GHR: variants seen among roughly 807,000 people sequenced by gnomAD.
GHR encodes GH receptor.
Under a neutral mutation model 67.1 loss-of-function variants are expected in GHR, and 35 were observed. That is an observed-to-expected ratio of 0.52 (90% confidence interval 0.40 to 0.69). The LOEUF (loss-of-function observed/expected upper bound fraction) is 0.69, where lower values mean the gene tolerates loss of function less well. Among genes scored for constraint, GHR ranks in the 30% least tolerant of loss-of-function variants. The pLI, the probability that GHR is intolerant of heterozygous loss-of-function variation, is 0.00. For missense variants in GHR, 792 were observed against 764.6 expected, an observed-to-expected ratio of 1.04 and a Z score of -0.42; for synonymous variants, 272 against 269.1, an observed-to-expected ratio of 1.01 and a Z score of -0.10.
intron 1 of GHR, 30 bp from the exon 2 acceptor site, chr5:42,565,834 G>A (rs564361091): frequency 3.1e-6 from 5 of 1,613,800 alleles, no homozygotes; most frequent in African/African-American, 2.7e-5. Flanking sequence ...TTAATTGCTG[G>A]GCTTTACCTT....
At chr5:42,481,859 G>T (rs747242881) in intron 1 of GHR, among the ~76,000 whole-genome samples, 8 of 151,954 alleles carry the variant, frequency 5.3e-5, no homozygotes, top group Non-Finnish European at 1.0e-4. Flanking sequence ...TAGTTTGATC[G>T]TCTGAAGCCT....
At chr5:42,534,508 ATGTATATG>A (rs908984129) in intron 1 of GHR, among the ~76,000 whole-genome samples, 3 of 142,304 alleles carry the variant, frequency 2.1e-5, no homozygotes, top group South Asian at 2.1e-4. Flanking sequence ...ATATGTACAT[ATGTATATG>A]TGTATATATG....
intron 2 of GHR, among the ~76,000 whole-genome samples, chr5:42,626,343 C>G (rs1414349353): frequency 6.6e-6 from 1 of 152,214 alleles, no homozygotes; most frequent in Non-Finnish European, 1.5e-5. Flanking sequence ...CCACAACCTC[C>G]CCCTCCGGTT....
intron 8 of GHR, among the ~76,000 whole-genome samples, chr5:42,717,127 A>G (rs1040462458): frequency 1.2e-4 from 18 of 152,278 alleles, no homozygotes; most frequent in Admixed American, 7.9e-4. Context: ...GGCAATGACT[A>G]GAGCAAGACT....
intron 1 of GHR, among the ~76,000 whole-genome samples, chr5:42,563,249 C>T (rs1749717309): frequency 6.6e-6 from 1 of 152,196 alleles, no homozygotes; most frequent in Non-Finnish European, 1.5e-5. Context: ...ACTTCTTTAC[C>T]TGACACTAAG....
chr5:42,519,656 A>C (rs1238750884), intron 1 of GHR, among the ~76,000 whole-genome samples: 2 of 152,190 alleles, frequency 1.3e-5, no homozygotes, highest in African/African-American at 4.8e-5. Flanking sequence ...AAAAAATGTC[A>C]TGGTTATATG....
At chr5:42,654,167 A>G (rs1383443975) in intron 3 of GHR, among the ~76,000 whole-genome samples, 1 of 152,190 alleles carries the variant, frequency 6.6e-6, no homozygotes, top group East Asian at 1.9e-4. Flanking sequence ...GCACATTCAA[A>G]TTCCATCGTT....
intron 3 of GHR, among the ~76,000 whole-genome samples, chr5:42,657,520 T>C (rs1405359266): frequency 6.6e-6 from 1 of 152,168 alleles, no homozygotes; most frequent in Admixed American, 6.5e-5. Flanking sequence ...TTTTATTCCT[T>C]TTATTCTTGA....
chr5:42,669,428 G>A (rs1240116674), intron 3 of GHR, among the ~76,000 whole-genome samples: 2 of 152,162 alleles, frequency 1.3e-5, no homozygotes, highest in Non-Finnish European at 2.9e-5. Context: ...GGTTTCTTCT[G>A]GCAATAGAAG....
rs145280931 is a variant in GHR at position 42,718,101 on chromosome 5, A to T, written c.925A>T (p.Ile309Phe). The T allele has an allele frequency of 6.5e-6, 10 of 1,532,806 alleles. No homozygotes were observed. Among genetic ancestry groups the T allele is most frequent in the African/African-American group, 1.4e-5 (1 of 73,382 alleles). The allele number at this position is 1,532,806 out of a possible 1,614,324, so 95.0% of individuals were successfully genotyped here. A position where few individuals can be genotyped will look rare whatever the true frequency, so the allele number is the denominator to read the frequency against. ...AGTTCCAGTTCCAAAGATTAAAGGA[A>T]TCGATCCAGATCTCCTCAAGGTAAC... Reference protein sequence around the residue: ...PPVPVPKIKGIDPDLLKEGKL... With the variant: ...PPVPVPKIKGFDPDLLKEGKL... The change falls in exon 9 of 10, where the codon ATC becomes TTC. Residue 309 changes from isoleucine to phenylalanine, a missense_variant. Coordinates refer to ENST00000230882, the MANE Select transcript of GHR (RefSeq NM_000163.5).
intron 2 of GHR, among the ~76,000 whole-genome samples, chr5:42,604,845 C>T (rs1317375416): frequency 6.6e-6 from 1 of 151,862 alleles, no homozygotes; most frequent in Non-Finnish European, 1.5e-5. Flanking sequence ...ACTCAGTGAG[C>T]ATCTTTATGG....
At chr5:42,460,033 G>T (rs1009452178) in intron 1 of GHR, among the ~76,000 whole-genome samples, 1 of 152,182 alleles carries the variant, frequency 6.6e-6, no homozygotes, top group Admixed American at 6.5e-5. Context: ...GCTGGTAAAA[G>T]TTAAATGAAT....
intron 1 of GHR, among the ~76,000 whole-genome samples, chr5:42,451,702 CA>C (rs35883387): frequency 1.4e-3 from 166 of 122,954 alleles, no homozygotes; most frequent in South Asian, 5.8e-3. Context: ...AAGACTCTGT[CA>C]AAAAAAAAAA....
At chr5:42,488,230 G>C (rs1745964241) in intron 1 of GHR, among the ~76,000 whole-genome samples, 1 of 152,108 alleles carries the variant, frequency 6.6e-6, no homozygotes, top group African/African-American at 2.4e-5. Flanking sequence ...ACACTGTCTT[G>C]AGCTTATTTT....
chr5:42,518,881 GA>G (rs904219670), intron 1 of GHR, among the ~76,000 whole-genome samples: 1 of 150,908 alleles, frequency 6.6e-6, no homozygotes, highest in East Asian at 1.9e-4. Flanking sequence ...ACTTGAAATA[GA>G]AAAAAAAAGT....
rs374991837 is a variant in GHR, at chr5:42,718,919, C to T, written c.1412C>T (p.Ala471Val). ...GGAGCTGAGTCAACTCACCAAGCTG[C>T]CCATATTCAGCTAAGCAATCCAAGT... The part of the protein sequence containing the change: ...TEGAESTHQA[A>V]HIQLSNPSSL... The change falls in exon 10 of 10, where the codon GCC (alanine) becomes GTC (valine). Residue 471 changes from alanine to valine, a missense_variant. Physicochemically the swap from Ala to Val is moderately conservative, Grantham distance 64. Transcript: ENST00000230882. 3 of 1,614,074 alleles carry T rather than the reference C, an allele frequency of 1.9e-6. No homozygotes were observed. The highest frequency in any genetic ancestry group is 2.7e-5 in the African/African-American group (2 of 75,026).
rs573722605 is a variant in GHR, at chr5:42,569,120, G to A, written c.70+3176G>A. Among the ~76,000 whole-genome samples the A allele has an allele frequency of 7.7e-4, 118 of 152,290 alleles. 1 individual carries two copies. Among genetic ancestry groups the A allele is most frequent in the African/African-American group, 2.7e-3 (114 of 41,552 alleles). On this transcript the variant is annotated intron_variant, in intron 2 of 9. Transcript: ENST00000230882. ...CTAGAGACTAGAATGTCAGGTTTAA[G>A]ATTTTAAAAGGCTGAGAAGAACAGA...
Position 42,718,783 on chromosome 5 carries a change from C to T in GHR, c.1276C>T (p.Leu426Phe). 1 of 1,614,118 alleles carries T rather than the reference C, an allele frequency of 6.2e-7. No individual in the cohort carries two copies. Among genetic ancestry groups the T allele is most frequent in the Non-Finnish European group, 8.5e-7 (1 of 1,180,020 alleles). The change falls in exon 10 of 10, where the codon CTT becomes TTT. Residue 426 changes from leucine (L) to phenylalanine (F), a missense_variant. Leu to Phe is a conservative substitution (Grantham distance 22). Coordinates refer to ENST00000230882, the MANE Select transcript of GHR (RefSeq NM_000163.5). ...RLKGEADLLC[L>F]DQKNQNNSPY... ...AAAAGGGGAAGCAGATCTCTTATGCCTTGACCAGAAGAATCAAAATAACTC... is the reference window on the plus strand; with the variant it reads ...AAAAGGGGAAGCAGATCTCTTATGCTTTGACCAGAAGAATCAAAATAACTC...
intron 1 of GHR, among the ~76,000 whole-genome samples, chr5:42,517,569 T>C (rs778634995): frequency 3.9e-5 from 6 of 152,210 alleles, no homozygotes; most frequent in African/African-American, 1.4e-4. Flanking sequence ...CACTTTTTTA[T>C]GGTCAGGACC....
Sources: allele counts gnomAD v4.1 joint callset (sites outside exome capture counted in the v4.1 genomes callset), GRCh38; gene constraint gnomAD v4.1.1; transcripts MANE v1.5; gene names NCBI Gene and HGNC (gene_info 2026-07-23, HGNC 2026-07-21).